The following HPSE2 variants were observed in gnomAD, a reference collection of about 807,000 sequenced individuals.
HPSE2 encodes the protein inactive heparanase-2.
In HPSE2, 38 loss-of-function variants were observed where a neutral mutation model predicts 60.5. The observed-to-expected ratio is 0.63, with a 90% CI of 0.48 to 0.82. HPSE2 has a LOEUF of 0.82. HPSE2 is among the 40% of genes least tolerant of loss of function. The pLI is 0.00. For synonymous variants in HPSE2, 295 were observed against 293.2 expected (o/e 1.01, Z -0.06); for missense variants, 713 against 740.4 (o/e 0.96, Z 0.43).
intron 3 of HPSE2, among the ~76,000 whole-genome samples, chr10:98,871,958 C>T (rs954137870): frequency 1.3e-5 from 2 of 151,936 alleles, no homozygotes; most frequent in African/African-American, 2.4e-5. Context: ...TGATTTTGGC[C>T]CAAAAATGAA....
At chr10:98,972,735 C>A (rs933061379) in intron 3 of HPSE2, among the ~76,000 whole-genome samples, 6 of 152,134 alleles carry the variant, frequency 3.9e-5, no homozygotes, top group Non-Finnish European at 5.9e-5. Context: ...CAATACTCTG[C>A]ACTAAAAGCT....
Position 98,802,065 on chromosome 10 carries a change from T to C in HPSE2, c.611-58009A>G, listed in dbSNP as rs188733962. On this transcript the variant is annotated intron_variant, in intron 3 of 11. Transcript: ENST00000370552. ...TATAGTGAACTCATTTTTGACAGTT[T>C]CCAAGAACATGTTGGAGAAAAGACA... is the stretch of plus-strand genomic sequence containing the variant. Among the ~76,000 whole-genome samples the C allele has an allele frequency of 8.2e-3, 1,243 of 152,184 alleles. 22 individuals are homozygous for C. The highest frequency in any genetic ancestry group is 0.029 in the African/African-American group (1,191 of 41,518).
At chr10:98,679,524 G>A (rs939705716) in intron 6 of HPSE2, among the ~76,000 whole-genome samples, 3 of 151,866 alleles carry the variant, frequency 2.0e-5, no homozygotes, top group African/African-American at 4.8e-5. Flanking sequence ...TTCAAAGGTC[G>A]ACTCAGTTTG....
At chr10:99,206,499 G>C (rs1291531953) in intron 2 of HPSE2, among the ~76,000 whole-genome samples, 1 of 151,148 alleles carries the variant, frequency 6.6e-6, no homozygotes, top group African/African-American at 2.4e-5. Flanking sequence ...GGCTGAGGTA[G>C]CAGGATCGCT....
At chr10:98,664,196 GCTGGGACC>G (rs1186543494) in intron 6 of HPSE2, among the ~76,000 whole-genome samples, 1 of 152,018 alleles carries the variant, frequency 6.6e-6, no homozygotes, top group Non-Finnish European at 1.5e-5. Context: ...CAGTACAGTG[GCTGGGACC>G]CTGATTAAAC....
intron 3 of HPSE2, among the ~76,000 whole-genome samples, chr10:98,847,221 A>T (rs1327631138): frequency 6.6e-6 from 1 of 152,240 alleles, no homozygotes; most frequent in Non-Finnish European, 1.5e-5. Context: ...CCTTTCCATC[A>T]GAGATGGCTC....
At chr10:98,644,362 T>C (rs540138729) in intron 6 of HPSE2, among the ~76,000 whole-genome samples, 3 of 152,228 alleles carry the variant, frequency 2.0e-5, no homozygotes, top group Admixed American at 2.0e-4. Flanking sequence ...TGGGATGGGA[T>C]GGGCAGGGGA....
intron 3 of HPSE2, among the ~76,000 whole-genome samples, chr10:98,975,367 C>T (rs535685737): frequency 3.4e-4 from 52 of 152,204 alleles, no homozygotes; most frequent in African/African-American, 1.2e-3. Flanking sequence ...CTATTTACAT[C>T]AAACTCTAGT....
At chr10:98,966,033 G>A (rs1024611405) in intron 3 of HPSE2, among the ~76,000 whole-genome samples, 2 of 152,080 alleles carry the variant, frequency 1.3e-5, no homozygotes, top group African/African-American at 4.8e-5. Flanking sequence ...TGGGGTTACA[G>A]GTGCCTGCCA....
chr10:99,136,219 A>G (rs1293343624), intron 3 of HPSE2, among the ~76,000 whole-genome samples: 1 of 152,194 alleles, frequency 6.6e-6, no homozygotes, highest in African/African-American at 2.4e-5. Context: ...AAAACCAATA[A>G]TAAGTTCGGA....
At chr10:98,908,812 G>A (rs1304804073) in intron 3 of HPSE2, among the ~76,000 whole-genome samples, 1 of 152,000 alleles carries the variant, frequency 6.6e-6, no homozygotes, top group Non-Finnish European at 1.5e-5. Flanking sequence ...TTATTTCTGG[G>A]AGACAGAATT....
In HPSE2 at chr10:99,235,672, C is replaced by T. The variant is rs202168816; in HGVS notation, c.131G>A (p.Arg44Lys). The T allele has an allele frequency of 3.7e-6, 6 of 1,614,012 alleles. No homozygotes were observed. The highest frequency in any genetic ancestry group is 4.2e-6 in the Non-Finnish European group (5 of 1,180,010). Residue 44 changes from arginine to lysine, a missense_variant, in exon 1 of 12, where the codon AGG (arginine) becomes AAG (lysine). Arg to Lys is a conservative substitution (Grantham distance 26). Coordinates refer to ENST00000370552, the MANE Select transcript of HPSE2 (RefSeq NM_021828.5). The stretch of plus-strand genomic sequence containing the variant: ...AGCTCTGTCTACAGGCAAGGGTCTC[C>T]TGTCTCCAGCCTGGGAGGAAAGGGA... ...HLSLSSQAGD[R>K]RPLPVDRAAG... is the part of the protein sequence containing the mutation.
chr10:99,269,025 G>T, the HPSE2 span, among the ~76,000 whole-genome samples: 1 of 152,032 alleles, frequency 6.6e-6, no homozygotes, highest in Non-Finnish European at 1.5e-5. Context: ...TGGGCATGGT[G>T]GCAGGTACCT....
chr10:98,925,723 T>A (rs1391028377), intron 3 of HPSE2, among the ~76,000 whole-genome samples: 1 of 152,122 alleles, frequency 6.6e-6, no homozygotes, highest in African/African-American at 2.4e-5. Context: ...TTTATGACAT[T>A]TGGCTAGGGT....
chr10:98,866,895 C>T (rs1013755392), intron 3 of HPSE2, among the ~76,000 whole-genome samples: 1 of 151,930 alleles, frequency 6.6e-6, no homozygotes, highest in African/African-American at 2.4e-5. Context: ...GTCCTTAAGG[C>T]AGAATGAAAA....
At chr10:98,903,875 A>C (rs1268207527) in intron 3 of HPSE2, among the ~76,000 whole-genome samples, 3 of 152,146 alleles carry the variant, frequency 2.0e-5, no homozygotes, top group African/African-American at 7.2e-5. Context: ...AAGCATGTAA[A>C]AGTGCTAAGA....
intron 11 of HPSE2, among the ~76,000 whole-genome samples, chr10:98,464,540 C>T (rs1442186313): frequency 1.3e-5 from 2 of 152,130 alleles, no homozygotes; most frequent in East Asian, 3.9e-4. Flanking sequence ...GTTTGGAGCC[C>T]CACTTCTGGA....
At chr10:98,852,202 A>G (rs1952199449) in intron 3 of HPSE2, among the ~76,000 whole-genome samples, 1 of 145,974 alleles carries the variant, frequency 6.9e-6, no homozygotes, top group Non-Finnish European at 1.5e-5. Flanking sequence ...TTCCCAGCTG[A>G]TAACTCCCAT....
chr10:98,593,369 A>G (rs1945143163), intron 9 of HPSE2, among the ~76,000 whole-genome samples: 1 of 152,330 alleles, frequency 6.6e-6, no homozygotes, highest in South Asian at 2.1e-4. Flanking sequence ...AAAGGCAGCG[A>G]AAATCCAGAT....
Sources: gnomAD v4.1 joint callset for allele counts (sites outside exome capture counted in the v4.1 genomes callset) on GRCh38, gnomAD v4.1.1 for gene constraint, MANE v1.5 for transcripts, NCBI Gene and HGNC (gene_info 2026-07-23, HGNC 2026-07-21) for gene names.